Variants in KCNT2 observed in about 807,000 individuals in gnomAD.
The protein encoded by KCNT2 is potassium channel subfamily T member 2.
In KCNT2, 67 loss-of-function variants were observed where a neutral mutation model predicts 153.8. That is an observed-to-expected ratio of 0.44 (90% CI 0.36 to 0.53). KCNT2 has a LOEUF of 0.53. Ranked by LOEUF, KCNT2 falls within the 20% of genes least tolerant of loss-of-function variation. KCNT2 has a pLI of 0.00. For missense variants in KCNT2, 975 were observed against 1,354.8 expected (o/e 0.72, Z 4.40); for synonymous variants, 500 against 458.8 (o/e 1.09, Z -1.15).
At chr1:196,481,366 A>G (rs896528081) in intron 4 of KCNT2, among the ~76,000 whole-genome samples, 7 of 152,214 alleles carry the variant, frequency 4.6e-5, no homozygotes, top group African/African-American at 1.4e-4. Flanking sequence ...TGTAACATAC[A>G]TTATTTGAGT....
intron 14 of KCNT2, among the ~76,000 whole-genome samples, chr1:196,356,083 C>A (rs1289684006): frequency 2.0e-5 from 3 of 151,766 alleles, no homozygotes; most frequent in Admixed American, 1.3e-4. Context: ...GCTCCTATTG[C>A]TGTTATTTAC....
chr1:196,463,357 G>T (rs1322116161), intron 8 of KCNT2, among the ~76,000 whole-genome samples: 1 of 151,722 alleles, frequency 6.6e-6, no homozygotes, highest in Non-Finnish European at 1.5e-5. Flanking sequence ...ATGATCATAA[G>T]TTATGAAGAC....
At chr1:196,349,675 A>G (rs966146558) in intron 14 of KCNT2, among the ~76,000 whole-genome samples, 1 of 151,224 alleles carries the variant, frequency 6.6e-6, no homozygotes, top group African/African-American at 2.4e-5. Flanking sequence ...AAACCTTTTT[A>G]TTTTATTTTT....
intron 1 of KCNT2, among the ~76,000 whole-genome samples, chr1:196,506,013 A>G (rs566878251): frequency 1.2e-4 from 18 of 152,294 alleles, no homozygotes; most frequent in Non-Finnish European, 2.4e-4. Flanking sequence ...TAGATATACA[A>G]TCATGTCATC....
In KCNT2 at chr1:196,423,093, C is replaced by G; in HGVS notation, c.1142G>C (p.Cys381Ser). 1.2e-6 allele frequency: 2 copies of G among 1,603,772 alleles called. No homozygotes were observed. The highest frequency in any genetic ancestry group is 2.2e-5 in the South Asian group (2 of 89,886). Reference sequence around the variant, plus strand: ...TTCACAACGGCTACTGAGAATAAAACAGGCCTCAGCGTCATCCATCCTAAA... The same window carrying G: ...TTCACAACGGCTACTGAGAATAAAAGAGGCCTCAGCGTCATCCATCCTAAA... ...LRAKMDDAEA[C>S]FILSSRCEVD... The change falls in exon 12 of 28, where the codon TGT becomes TCT. Residue 381 changes from cysteine to serine, a missense_variant. Transcript: ENST00000294725.
intron 13 of KCNT2, among the ~76,000 whole-genome samples, chr1:196,381,405 G>A (rs1331580076): frequency 6.6e-6 from 1 of 151,742 alleles, no homozygotes; most frequent in Non-Finnish European, 1.5e-5. Context: ...ACTTACTGAA[G>A]CTTCTTTTTA....
intron 25 of KCNT2, among the ~76,000 whole-genome samples, chr1:196,263,130 C>T (rs1267014236): frequency 6.6e-6 from 1 of 151,656 alleles, no homozygotes. Flanking sequence ...GTTATCTCAT[C>T]TGTGTGGTCT....
chr1:196,292,578 G>A (rs1214621758), intron 22 of KCNT2, among the ~76,000 whole-genome samples: 5 of 152,054 alleles, frequency 3.3e-5, no homozygotes, highest in African/African-American at 9.7e-5. Context: ...AGGCCGAGGC[G>A]GGCGGATCAC....
intron 1 of KCNT2, among the ~76,000 whole-genome samples, chr1:196,528,793 C>A (rs1001775760): frequency 2.0e-5 from 3 of 152,118 alleles, no homozygotes; most frequent in Non-Finnish European, 4.4e-5. Flanking sequence ...ATCTGCAATG[C>A]TGGCAGCCTA....
At chr1:196,388,406 T>C (rs1030903046) in intron 13 of KCNT2, among the ~76,000 whole-genome samples, 1 of 151,704 alleles carries the variant, frequency 6.6e-6, no homozygotes, top group Non-Finnish European at 1.5e-5. Flanking sequence ...TTTTATATTA[T>C]TTAAAATAAG....
At chr1:196,413,273 C>T (rs2148490481) in intron 12 of KCNT2, among the ~76,000 whole-genome samples, 1 of 151,750 alleles carries the variant, frequency 6.6e-6, no homozygotes, top group South Asian at 2.1e-4. Context: ...GACTCTGTCA[C>T]TCTCGGAAAT....
intron 11 of KCNT2, among the ~76,000 whole-genome samples, chr1:196,425,220 C>T (rs1303920134): frequency 1.3e-5 from 2 of 151,960 alleles, no homozygotes; most frequent in Non-Finnish European, 2.9e-5. Flanking sequence ...TCATATGATA[C>T]AACTTGGTAA....
At chr1:196,403,388 T>C (rs924120535) in intron 12 of KCNT2, among the ~76,000 whole-genome samples, 2 of 151,580 alleles carry the variant, frequency 1.3e-5, no homozygotes, top group Admixed American at 6.6e-5. Flanking sequence ...GGTTGCCAGG[T>C]TGGGGAAAAG....
intron 26 of KCNT2, among the ~76,000 whole-genome samples, chr1:196,253,868 T>G (rs1231601472): frequency 6.6e-6 from 1 of 151,560 alleles, no homozygotes; most frequent in Non-Finnish European, 1.5e-5. Flanking sequence ...AAATTTTATT[T>G]GATTCAAATT....
At chr1:196,437,399 T>C (rs1418307165) in intron 8 of KCNT2, among the ~76,000 whole-genome samples, 1 of 140,914 alleles carries the variant, frequency 7.1e-6, no homozygotes, top group African/African-American at 2.6e-5. Context: ...TACACAAATT[T>C]TATATATATA....
Position 196,549,083 on chromosome 1 carries a change from A to G in KCNT2, c.96-56742T>C, listed in dbSNP as rs1657543794. 2.0e-5 allele frequency among the ~76,000 whole-genome samples: 3 copies of G among 152,234 alleles called. No individual in the cohort carries two copies. In the South Asian group the frequency reaches 6.2e-4, roughly 32 times the overall value. On this transcript the variant is annotated intron_variant, in intron 1 of 27. Transcript: ENST00000294725. Reference sequence around the variant, plus strand: ...GACGAGTTAGTGGGTGCAGCGCACCAGCATGGCACATGTATACATATGTAA... The same window carrying G: ...GACGAGTTAGTGGGTGCAGCGCACCGGCATGGCACATGTATACATATGTAA...
chr1:196,480,206 A>G (rs1167466923), intron 4 of KCNT2, among the ~76,000 whole-genome samples: 1 of 152,200 alleles, frequency 6.6e-6, no homozygotes, highest in Non-Finnish European at 1.5e-5. Flanking sequence ...ATAAACAAAA[A>G]GTGTCTCAGG....
chr1:196,394,217 C>G (rs1670729752), intron 13 of KCNT2, among the ~76,000 whole-genome samples: 1 of 151,590 alleles, frequency 6.6e-6, no homozygotes, highest in South Asian at 2.1e-4. Context: ...CTGTGATACA[C>G]AAACAGCAAT....
At chr1:196,550,136 C>T (rs1429268969) in intron 1 of KCNT2, among the ~76,000 whole-genome samples, 2 of 151,722 alleles carry the variant, frequency 1.3e-5, no homozygotes, top group Admixed American at 1.3e-4. Context: ...TTTGAGTGTT[C>T]AATAGAAATC....
Sources: gnomAD v4.1 joint callset for allele counts (sites outside exome capture counted in the v4.1 genomes callset) on GRCh38, gnomAD v4.1.1 for gene constraint, MANE v1.5 for transcripts, NCBI Gene and HGNC (gene_info 2026-07-23, HGNC 2026-07-21) for gene names.